The following L3MBTL2 variants were observed in gnomAD, a reference collection of about 807,000 sequenced individuals.
L3MBTL2 encodes the protein lethal(3)malignant brain tumor-like protein 2.
L3MBTL2 carries 49 observed loss-of-function variants against 86.4 expected under a neutral mutation model. The observed-to-expected ratio is 0.57, with a 90% CI of 0.45 to 0.72. L3MBTL2 has a LOEUF of 0.72. Ranked by LOEUF, L3MBTL2 falls within the 30% of genes least tolerant of loss-of-function variation. The pLI, the probability that L3MBTL2 is intolerant of heterozygous loss-of-function variation, is 0.00. For synonymous variants in L3MBTL2, 336 were observed against 350.6 expected (o/e 0.96, Z 0.47); for missense variants, 755 against 923.7 (o/e 0.82, Z 2.37).
chr22:41,227,142 G>A lies in L3MBTL2; in HGVS notation c.1641G>A (p.Leu547=), dbSNP rs751627695. ...GCATGAAGCTGGAGGCCGTGGACCT[G>A]ATGGAGCCCCGGCTCATCTGTGTGG... ...KVGMKLEAVD[L]MEPRLICVAT... is the part of the protein sequence containing the mutation. The change falls in exon 14 of 17, where the codon CTG becomes CTA. Residue 547 remains leucine (L), a synonymous_variant. Coordinates refer to ENST00000216237, the MANE Select transcript of L3MBTL2 (RefSeq NM_031488.5). The surrounding 1 kb of genome is among the most constrained non-coding windows in gnomAD (Gnocchi z 6.0). 5.2e-5 allele frequency: 84 copies of A among 1,613,600 alleles called. No individual in the cohort carries two copies. The highest frequency in any genetic ancestry group is 7.1e-5 in the Non-Finnish European group (84 of 1,180,022).
At position 41,225,988 on chromosome 22, in the gene L3MBTL2, G is replaced by A. The variant is rs772428229; in HGVS notation, c.1504+47G>A. The A allele has an allele frequency of 2.5e-6, 4 of 1,601,676 alleles. No individual in the cohort carries two copies. Among genetic ancestry groups the A allele is most frequent in the Non-Finnish European group, 3.4e-6 (4 of 1,174,012 alleles). The stretch of plus-strand genomic sequence containing the variant: ...CCTGCTGTCCTTGCCATCAGAAGGG[G>A]CAGGGTGTCCAGGCGCGGTGGCTCC... On this transcript the variant is annotated intron_variant, in intron 12 of 16. Transcript: ENST00000216237. This position sits in a 1 kb window ranked among gnomAD's most constrained non-coding sequence, Gnocchi z 4.1.
chr22:41,224,641 T>C lies in L3MBTL2; in HGVS notation c.1175-84T>C. On this transcript the variant is annotated intron_variant, in intron 9 of 16. Coordinates refer to ENST00000216237, the MANE Select transcript of L3MBTL2 (RefSeq NM_031488.5). The surrounding 1 kb of genome is among the most constrained non-coding windows in gnomAD (Gnocchi z 4.9). Reference sequence around the variant, plus strand: ...AGAACACGTGCAGAGCAGCCCCACATTCCCAGGGGAGGCGTGTGGAGATGG... The same window carrying C: ...AGAACACGTGCAGAGCAGCCCCACACTCCCAGGGGAGGCGTGTGGAGATGG... 1.0e-6 allele frequency: 1 copy of C among 992,150 alleles called. No homozygotes were observed. The highest frequency in any genetic ancestry group is 1.6e-6 in the Non-Finnish European group (1 of 620,224). The allele number at this position is 992,150 out of a possible 1,614,324, so 61.5% of individuals were successfully genotyped here. A position where few individuals can be genotyped will look rare whatever the true frequency, so the allele number is the denominator to read the frequency against.
At chr22:41,219,336 A>G (rs914497617) in intron 5 of L3MBTL2, 83 bp from the exon 6 acceptor site, 3 of 983,938 alleles carry the variant, frequency 3.0e-6, no homozygotes, top group Non-Finnish European at 4.9e-6. Flanking sequence ...GCAAACGAGG[A>G]CTTGACTGAG....
Position 41,224,971 on chromosome 22 carries a change from G to C in L3MBTL2, c.1256G>C (p.Arg419Pro). ...DAVPYLFKKV[R>P]AVYTEGGWFE... is the part of the protein sequence containing the mutation. ...CAGCTGTCCCATTCCTTTAAGGTAC[G>C]AGCAGTCTACACAGAAGGCGGTTGG... Residue 419 changes from arginine to proline, a missense_variant, in exon 11 of 17, where the codon CGA (arginine) becomes CCA (proline). By Grantham distance (103) the Arg-to-Pro change is moderately radical. Around this residue, in one of 3 missense-constraint regions of L3MBTL2, gnomAD observed 634 missense variants for 748.9 expected, o/e 0.85. Transcript: ENST00000216237. This position sits in a 1 kb window ranked among gnomAD's most constrained non-coding sequence, Gnocchi z 4.9. 6.2e-7 allele frequency: 1 copy of C among 1,613,550 alleles called. No individual in the cohort carries two copies. Among genetic ancestry groups the C allele is most frequent in the Non-Finnish European group, 8.5e-7 (1 of 1,179,636 alleles).
chr22:41,210,143 CTTT>C (rs869292228), intron 2 of L3MBTL2: 1,862 of 161,864 alleles, frequency 0.012, no homozygotes, highest in Middle Eastern at 0.029. Context: ...AGTCTAATTT[CTTT>C]TTTTTTTTTT....
Position 41,227,817 on chromosome 22 carries a change from G to T in L3MBTL2, c.1836G>T (p.Pro612=). 1 of 1,613,724 alleles carries T rather than the reference G, an allele frequency of 6.2e-7. No individual in the cohort carries two copies. Among genetic ancestry groups the T allele is most frequent in the Non-Finnish European group, 8.5e-7 (1 of 1,179,812 alleles). ...TTTCAACAACAGAACCGGCCACACC[G>T]CTGAAGGCCAAAGAGGCCACAAAGA... ...QPPVAAEPAT[P]LKAKEATKKK... is the part of the protein sequence containing the mutation. Residue 612 remains proline, a synonymous_variant, in exon 15 of 17, where the codon CCG becomes CCT. Transcript: ENST00000216237. This position sits in a 1 kb window ranked among gnomAD's most constrained non-coding sequence, Gnocchi z 6.0.
intron 5 of L3MBTL2, 183 bp from the exon 6 acceptor site, chr22:41,219,235 TC>T (rs1245022428): frequency 1.9e-6 from 1 of 522,834 alleles, no homozygotes; most frequent in Non-Finnish European, 3.5e-6. Flanking sequence ...CCACCTCTAC[TC>T]CCGGCTTAGC....
chr22:41,224,692 C>G lies in L3MBTL2; in HGVS notation c.1175-33C>G, dbSNP rs2032062710. 1.3e-6 allele frequency: 2 copies of G among 1,566,464 alleles called. No homozygotes were observed. Among genetic ancestry groups the G allele is most frequent in the Admixed American group, 1.7e-5 (1 of 59,924 alleles). On this transcript the variant is annotated intron_variant, in intron 9 of 16. Coordinates refer to ENST00000216237, the MANE Select transcript of L3MBTL2 (RefSeq NM_031488.5). The surrounding 1 kb of genome is among the most constrained non-coding windows in gnomAD (Gnocchi z 4.9). ...CCCAGGAGCCGCCTCCAACTCCCTT[C>G]TCTCCCTCATTCCCTATCCATCTCC... is the stretch of plus-strand genomic sequence containing the variant.
In L3MBTL2 at chr22:41,224,744, C is replaced by A. The variant is rs757769832; in HGVS notation, c.1194C>A (p.Ala398=). 44 of 1,613,570 alleles carry A rather than the reference C, an allele frequency of 2.7e-5. No individual in the cohort carries two copies. Among genetic ancestry groups the A allele is most frequent in the Non-Finnish European group, 3.4e-5 (40 of 1,179,616 alleles). Reference sequence around the variant, plus strand: ...CCAAAGAGAGGCGAAGTGACATGGCCCATCACCCCACCTTCCGGAAGATCT... The same window carrying A: ...CCAAAGAGAGGCGAAGTGACATGGCACATCACCCCACCTTCCGGAAGATCT... The part of the protein sequence containing the change: ...IKMSERRSDM[A]HHPTFRKIYC... Residue 398 remains alanine (A), a synonymous_variant, in exon 10 of 17, where the codon GCC becomes GCA. Coordinates refer to ENST00000216237, the MANE Select transcript of L3MBTL2 (RefSeq NM_031488.5). The surrounding 1 kb of genome is among the most constrained non-coding windows in gnomAD (Gnocchi z 4.9).
intron 3 of L3MBTL2, among the ~76,000 whole-genome samples, chr22:41,215,044 AT>A (rs2145581435): frequency 6.6e-6 from 1 of 152,202 alleles, no homozygotes; most frequent in African/African-American, 2.4e-5. Context: ...AAAGGTTCTG[AT>A]TTAACTGGGA....
chr22:41,215,886 G>A (rs1422884528), intron 3 of L3MBTL2, among the ~76,000 whole-genome samples: 2 of 152,200 alleles, frequency 1.3e-5, no homozygotes, highest in South Asian at 2.1e-4. Flanking sequence ...GGACAGAAAG[G>A]CTTAAAAGAT....
intron 2 of L3MBTL2, among the ~76,000 whole-genome samples, chr22:41,212,302 G>T (rs1053896318): frequency 3.9e-5 from 6 of 151,948 alleles, no homozygotes; most frequent in African/African-American, 7.3e-5. Context: ...TAGACCAGGG[G>T]TTCTGCACAT....
chr22:41,227,867 A>G lies in L3MBTL2; in HGVS notation c.1886A>G (p.Lys629Arg), dbSNP rs1475212994. Residue 629 changes from lysine to arginine, a missense_variant and splice_region_variant, in exon 15 of 17, where the codon AAA becomes AGA. Coordinates refer to ENST00000216237, the MANE Select transcript of L3MBTL2 (RefSeq NM_031488.5). The surrounding 1 kb of genome is among the most constrained non-coding windows in gnomAD (Gnocchi z 6.0). ...AAGAAAAAGAAACAGTTTGGGAAGA[A>G]AAGTAAGTGCTGCACCGGTGCAGCC... ...TKKKKKQFGK[K>R]RKRIPPTKTR... 2.5e-6 allele frequency: 4 copies of G among 1,613,172 alleles called. No homozygotes were observed. Among genetic ancestry groups the G allele is most frequent in the Non-Finnish European group, 3.4e-6 (4 of 1,179,538 alleles).
chr22:41,225,782 C>T lies in L3MBTL2; in HGVS notation c.1357-12C>T, dbSNP rs779918496. On this transcript the variant is annotated splice_polypyrimidine_tract_variant and intron_variant, in intron 11 of 16. Coordinates refer to ENST00000216237, the MANE Select transcript of L3MBTL2 (RefSeq NM_031488.5). The surrounding 1 kb of genome is among the most constrained non-coding windows in gnomAD (Gnocchi z 4.1). ...TGATATGATCTGTCTGCCTGCTCCC[C>T]CCACCCCCCAGGTTCTCCTGGATGG... 2.5e-6 allele frequency: 4 copies of T among 1,603,664 alleles called. No individual in the cohort carries two copies. Among genetic ancestry groups the T allele is most frequent in the Non-Finnish European group, 3.4e-6 (4 of 1,172,270 alleles).
intron 15 of L3MBTL2, among the ~76,000 whole-genome samples, 193 bp from the exon 16 acceptor site, chr22:41,229,347 C>A (rs2032417017): frequency 6.6e-6 from 1 of 152,122 alleles, no homozygotes; most frequent in South Asian, 2.1e-4. Flanking sequence ...GGTATTACTT[C>A]CCATTGGAGA....
intron 8 of L3MBTL2, 32 bp from the exon 9 acceptor site, chr22:41,223,988 C>T (rs2032010694): frequency 3.8e-6 from 6 of 1,560,748 alleles, no homozygotes; most frequent in Non-Finnish European, 4.4e-6. Flanking sequence ...AGCCCTGAGC[C>T]ATAGCAGGCC....
Position 41,231,190 on chromosome 22 carries a change from G to T in L3MBTL2, c.*939G>T, listed in dbSNP as rs879323183. The T allele has an allele frequency of 6.6e-6, 1 of 152,180 alleles. No individual in the cohort carries two copies. The highest frequency in any genetic ancestry group is 1.5e-5 in the Non-Finnish European group (1 of 68,044). 9.4% of individuals were successfully genotyped at this position (152,180 alleles called of 1,614,324 possible). A position where few individuals can be genotyped will look rare whatever the true frequency, so the allele number is the denominator to read the frequency against. On this transcript the variant is annotated 3_prime_UTR_variant, in exon 17 of 17. Coordinates refer to ENST00000216237, the MANE Select transcript of L3MBTL2 (RefSeq NM_031488.5). ...CCTCAAGACAAGGATGACAGAGCTG[G>T]AGGACACATCTAGCTGCCATTGCAA...
In L3MBTL2 at chr22:41,230,397, G is replaced by A. The variant is rs2032520766; in HGVS notation, c.*146G>A. 8 of 651,306 alleles carry A rather than the reference G, an allele frequency of 1.2e-5. No individual in the cohort carries two copies. The highest frequency in any genetic ancestry group is 2.2e-5 in the Non-Finnish European group (8 of 371,006). The allele number at this position is 651,306 out of a possible 1,614,324, so 40.3% of individuals were successfully genotyped here. A position where few individuals can be genotyped will look rare whatever the true frequency, so the allele number is the denominator to read the frequency against. Reference sequence around the variant, plus strand: ...GGTGCTGTGAAGGCTGGACGGTGGAGGACCTGCTGGGGTCTCCTGGGACCC... The same window carrying A: ...GGTGCTGTGAAGGCTGGACGGTGGAAGACCTGCTGGGGTCTCCTGGGACCC... On this transcript the variant is annotated 3_prime_UTR_variant, in exon 17 of 17. Transcript: ENST00000216237.
intron 7 of L3MBTL2, 115 bp from the exon 8 acceptor site, chr22:41,221,084 G>A: frequency 1.0e-6 from 1 of 997,248 alleles, no homozygotes; most frequent in Non-Finnish European, 1.5e-6. Flanking sequence ...GCCTGAAGAG[G>A]CAGCTATTTT....
Sources: gnomAD v4.1 joint callset for allele counts (sites outside exome capture counted in the v4.1 genomes callset) on GRCh38, gnomAD v4.1.1 for gene constraint, gnomAD v4.1.1 regional missense constraint, Gnocchi (gnomAD v3.1) non-coding constraint, MANE v1.5 for transcripts, NCBI Gene and HGNC (gene_info 2026-07-23, HGNC 2026-07-21) for gene names.